Variants in ERG observed in about 807,000 individuals in gnomAD.
ERG encodes ETS transcription factor ERG.
In ERG, 9 loss-of-function variants were observed where a neutral mutation model predicts 55.3. That is an observed-to-expected ratio of 0.16 (90% confidence interval 0.10 to 0.28). ERG has a LOEUF of 0.28. Ranked by LOEUF, ERG falls within the 10% of genes least tolerant of loss-of-function variation. ERG has a pLI of 1.00. For missense variants in ERG, 434 were observed against 631.6 expected (o/e 0.69, Z 3.35); for synonymous variants, 223 against 237.3 (o/e 0.94, Z 0.55).
chr21:38,426,496 C>T (rs1012050126), intron 2 of ERG, among the ~76,000 whole-genome samples: 52 of 152,198 alleles, frequency 3.4e-4, no homozygotes, highest in African/African-American at 1.1e-3. Flanking sequence ...TCTAGACAAC[C>T]TTTGTTCAGA....
At chr21:38,435,244 G>A (rs911488677) in intron 2 of ERG, among the ~76,000 whole-genome samples, 9 of 152,116 alleles carry the variant, frequency 5.9e-5, no homozygotes, top group Admixed American at 5.2e-4. Context: ...AGTCCTAATC[G>A]ACTGAGCAAG....
chr21:38,651,754 TAAC>T (rs1260262298), intron 1 of ERG, among the ~76,000 whole-genome samples: 2 of 151,950 alleles, frequency 1.3e-5, no homozygotes, highest in African/African-American at 4.8e-5. Flanking sequence ...GTCACTTCCA[TAAC>T]AGGCCCGCCA....
intron 1 of ERG, among the ~76,000 whole-genome samples, chr21:38,489,696 T>C (rs1169232548): frequency 6.6e-6 from 1 of 152,270 alleles, no homozygotes; most frequent in Admixed American, 6.5e-5. Flanking sequence ...TGCTGACTTT[T>C]GCCTGGCGTA....
At chr21:38,473,447 C>T (rs913085444) in intron 1 of ERG, among the ~76,000 whole-genome samples, 3 of 150,892 alleles carry the variant, frequency 2.0e-5, no homozygotes, top group African/African-American at 7.3e-5. Context: ...ATATACAAAG[C>T]TGTTTTTTAA....
chr21:38,458,288 G>T (rs1229314115), intron 1 of ERG, among the ~76,000 whole-genome samples: 4 of 152,154 alleles, frequency 2.6e-5, no homozygotes, highest in African/African-American at 9.7e-5. Context: ...GCCAGGTGTG[G>T]TGGCGTGTGC....
chr21:38,649,413 C>T (rs1393310593), intron 1 of ERG, among the ~76,000 whole-genome samples: 5 of 152,148 alleles, frequency 3.3e-5, no homozygotes, highest in Admixed American at 2.6e-4. Flanking sequence ...GCCAGTCAAA[C>T]GTTCTGGTTA....
At chr21:38,458,207 C>T (rs866298447) in intron 1 of ERG, among the ~76,000 whole-genome samples, 11 of 152,142 alleles carry the variant, frequency 7.2e-5, no homozygotes, top group Middle Eastern at 6.8e-3. Context: ...GGGCAGATCA[C>T]GAGGTCAGGA....
chr21:38,496,843 C>T (rs1365670658), intron 1 of ERG, among the ~76,000 whole-genome samples: 1 of 152,102 alleles, frequency 6.6e-6, no homozygotes, highest in African/African-American at 2.4e-5. Context: ...TTTTAATGCA[C>T]TGAGTTTTTT....
At chr21:38,403,838 G>T in intron 3 of ERG, 129 bp from the exon 4 acceptor site, 1 of 798,560 alleles carries the variant, frequency 1.3e-6, no homozygotes, top group South Asian at 1.6e-5. Flanking sequence ...CAGCCTCCCT[G>T]GCTACCCAGG....
At chr21:38,494,551 G>A (rs2059364489) in intron 1 of ERG, among the ~76,000 whole-genome samples, 1 of 152,130 alleles carries the variant, frequency 6.6e-6, no homozygotes. Flanking sequence ...AGAAATGGTT[G>A]TTTCATTTAC....
At chr21:38,609,066 A>G (rs1426409983) in intron 1 of ERG, among the ~76,000 whole-genome samples, 1 of 152,210 alleles carries the variant, frequency 6.6e-6, no homozygotes, top group African/African-American at 2.4e-5. Flanking sequence ...AAAAGAACCT[A>G]CAATCCATGT....
In ERG at chr21:38,498,201, G is replaced by A. The variant is rs1208492524; in HGVS notation, c.18+162C>T. Among the ~76,000 whole-genome samples, 1 of 152,150 alleles carries A rather than the reference G, an allele frequency of 6.6e-6. No individual in the cohort carries two copies. The highest frequency in any genetic ancestry group is 1.5e-5 in the Non-Finnish European group (1 of 68,030). ...TAAGCCTTGCGGATGGTTGGAGTAG[G>A]AAAAAGGAAATTTACTAGGCAGTGC... On this transcript the variant is annotated intron_variant, in intron 1 of 9. Transcript: ENST00000288319. This position sits in a 1 kb window ranked among gnomAD's most constrained non-coding sequence, Gnocchi z 4.6.
chr21:38,555,406 T>C (rs919813803), intron 2 of ERG, among the ~76,000 whole-genome samples: 1 of 151,970 alleles, frequency 6.6e-6, no homozygotes, highest in East Asian at 1.9e-4. Context: ...AAAAATAATA[T>C]ATCCATTGTC....
chr21:38,378,703 A>G (rs1417042814), downstream of ERG, among the ~76,000 whole-genome samples: 1 of 152,208 alleles, frequency 6.6e-6, no homozygotes, highest in African/African-American at 2.4e-5. Context: ...TTGATGTTGC[A>G]GTCTAATGTA....
At chr21:38,571,409 G>GTTGA (rs1351099971) in intron 2 of ERG, among the ~76,000 whole-genome samples, 3 of 152,004 alleles carry the variant, frequency 2.0e-5, no homozygotes, top group Non-Finnish European at 4.4e-5. Flanking sequence ...TACTCAGGAG[G>GTTGA]TTGAGGCAGG....
upstream of ERG, chr21:38,498,493 C>A: frequency 6.7e-7 from 1 of 1,483,612 alleles, no homozygotes; most frequent in East Asian, 2.5e-5. This position sits in a 1 kb window ranked among gnomAD's most constrained non-coding sequence, Gnocchi z 4.6. Flanking sequence ...TGTGCTAAGT[C>A]TGGGAAATGA....
At chr21:38,559,561 C>T (rs968869274) in intron 2 of ERG, among the ~76,000 whole-genome samples, 6 of 151,948 alleles carry the variant, frequency 3.9e-5, no homozygotes, top group South Asian at 2.1e-4. Context: ...AGAAATTTAA[C>T]GTCAACCTTA....
the ERG span, among the ~76,000 whole-genome samples, chr21:38,373,517 C>T: frequency 6.6e-6 from 1 of 152,240 alleles, no homozygotes. Context: ...TTTTCTGTAT[C>T]ACGTTCTTGT....
intron 3 of ERG, among the ~76,000 whole-genome samples, chr21:38,421,743 T>G (rs1989550952): frequency 6.6e-6 from 1 of 152,194 alleles, no homozygotes; most frequent in Non-Finnish European, 1.5e-5. Flanking sequence ...CCCTTAATAT[T>G]CACTGAGCAC....
Sources: gnomAD v4.1 joint callset for allele counts (sites outside exome capture counted in the v4.1 genomes callset) on GRCh38, gnomAD v4.1.1 for gene constraint, Gnocchi (gnomAD v3.1) non-coding constraint, MANE v1.5 for transcripts, NCBI Gene and HGNC (gene_info 2026-07-23, HGNC 2026-07-21) for gene names.